RNF180: variants seen among roughly 807,000 people sequenced by gnomAD.
RNF180 encodes the protein ring finger protein 180, also known as E3 ubiquitin-protein ligase RNF180.
A neutral mutation model predicts 59.2 loss-of-function variants in RNF180; 38 were observed. The ratio of observed to expected loss-of-function variants is 0.64; its 90% confidence interval spans 0.50 to 0.84. The LOEUF (loss-of-function observed/expected upper bound fraction) is 0.84. RNF180 is among the 40% of genes least tolerant of loss of function. The pLI is 0.00. For synonymous variants in RNF180, 262 were observed against 240.3 expected, an observed-to-expected ratio of 1.09 and a Z score of -0.84; for missense variants, 705 against 700.9, an observed-to-expected ratio of 1.01 and a Z score of -0.07.
At chr5:64,199,734 T>C (rs925972710) in intron 1 of RNF180, among the ~76,000 whole-genome samples, 1 of 152,224 alleles carries the variant, frequency 6.6e-6, no homozygotes, top group Admixed American at 6.5e-5. Context: ...GATAAATTAA[T>C]GTTGCCTTTC....
intron 5 of RNF180, among the ~76,000 whole-genome samples, chr5:64,295,714 G>A (rs1445363574): frequency 6.6e-6 from 1 of 152,094 alleles, no homozygotes; most frequent in African/African-American, 2.4e-5. Context: ...AGACATTTAG[G>A]TTAGTTTTTG....
intron 4 of RNF180, among the ~76,000 whole-genome samples, chr5:64,215,398 A>G (rs1432628932): frequency 6.6e-6 from 1 of 152,214 alleles, no homozygotes; most frequent in Non-Finnish European, 1.5e-5. Flanking sequence ...AAGTGAACTC[A>G]TTATGGCTTA....
intron 5 of RNF180, among the ~76,000 whole-genome samples, chr5:64,265,948 T>C (rs1379881141): frequency 6.6e-6 from 1 of 152,136 alleles, no homozygotes; most frequent in Non-Finnish European, 1.5e-5. Context: ...CCCTTGTAAG[T>C]TGTATTCCTA....
chr5:64,368,009 A>C (rs1435185130), intron 7 of RNF180, among the ~76,000 whole-genome samples: 1 of 151,744 alleles, frequency 6.6e-6, no homozygotes, highest in African/African-American at 2.4e-5. Flanking sequence ...GTTTTTTCTC[A>C]AGCTCTAATT....
At chr5:64,293,934 CTTA>C (rs1439159816) in intron 5 of RNF180, among the ~76,000 whole-genome samples, 1 of 152,216 alleles carries the variant, frequency 6.6e-6, no homozygotes, top group African/African-American at 2.4e-5. Flanking sequence ...AAAAAGACTT[CTTA>C]TTATCATGCA....
chr5:64,170,309 C>T (rs1020895879), intron 1 of RNF180, among the ~76,000 whole-genome samples: 4 of 152,210 alleles, frequency 2.6e-5, no homozygotes, highest in Admixed American at 2.6e-4. Flanking sequence ...ATGATACACT[C>T]ATTTGGACTT....
At chr5:64,226,625 C>T (rs543617049) in intron 5 of RNF180, among the ~76,000 whole-genome samples, 47 of 151,956 alleles carry the variant, frequency 3.1e-4, no homozygotes, top group Admixed American at 5.9e-4. Context: ...CCTGCCACAT[C>T]CCCCTCTCTG....
chr5:64,194,266 G>C (rs946655176), intron 1 of RNF180, among the ~76,000 whole-genome samples: 3 of 151,652 alleles, frequency 2.0e-5, no homozygotes, highest in Non-Finnish European at 4.4e-5. Context: ...TTGGTTTTTT[G>C]TCCTTGCGAT....
intron 2 of RNF180, among the ~76,000 whole-genome samples, chr5:64,201,406 T>A (rs1751738906): frequency 6.6e-6 from 1 of 152,180 alleles, no homozygotes; most frequent in African/African-American, 2.4e-5. Flanking sequence ...CTGAATAATA[T>A]TCAAGTGTGT....
At chr5:64,366,942 A>G (rs1393260432) in intron 7 of RNF180, among the ~76,000 whole-genome samples, 2 of 151,572 alleles carry the variant, frequency 1.3e-5, no homozygotes, top group Middle Eastern at 3.2e-3. Context: ...TGGCCAAACT[A>G]TCAAGAGTCA....
chr5:64,171,846 C>T (rs996943160), intron 1 of RNF180, among the ~76,000 whole-genome samples: 1 of 152,070 alleles, frequency 6.6e-6, no homozygotes, highest in Non-Finnish European at 1.5e-5. Context: ...CACCCCGCCC[C>T]CCCACCAATA....
At chr5:64,317,632 AC>A (rs1744124983) in intron 5 of RNF180, among the ~76,000 whole-genome samples, 1 of 151,028 alleles carries the variant, frequency 6.6e-6, no homozygotes, top group Admixed American at 6.6e-5. Context: ...ATACACACAC[AC>A]ACACACACAC....
At chr5:64,258,532 GT>G (rs1007664907) in intron 5 of RNF180, among the ~76,000 whole-genome samples, 2 of 151,910 alleles carry the variant, frequency 1.3e-5, no homozygotes, top group African/African-American at 2.4e-5. Context: ...AATAATTAAG[GT>G]TTTTTTTCTT....
At chr5:64,255,310 C>T (rs553004026) in intron 5 of RNF180, among the ~76,000 whole-genome samples, 1 of 152,202 alleles carries the variant, frequency 6.6e-6, no homozygotes, top group Admixed American at 6.5e-5. Flanking sequence ...CCCATTAACT[C>T]GTCATTTACA....
chr5:64,186,134 A>G (rs980234273), intron 1 of RNF180, among the ~76,000 whole-genome samples: 1 of 152,118 alleles, frequency 6.6e-6, no homozygotes, highest in African/African-American at 2.4e-5. Flanking sequence ...GCATCAAACA[A>G]AATGTCTCTG....
At chr5:64,311,832 G>A (rs886680770) in intron 5 of RNF180, among the ~76,000 whole-genome samples, 1 of 151,942 alleles carries the variant, frequency 6.6e-6, no homozygotes, top group Non-Finnish European at 1.5e-5. Flanking sequence ...TAGATTAAAT[G>A]ATTTAGTGTC....
intron 5 of RNF180, among the ~76,000 whole-genome samples, chr5:64,222,023 C>G (rs561159423): frequency 6.6e-6 from 1 of 152,158 alleles, no homozygotes; most frequent in African/African-American, 2.4e-5. Context: ...ATCTAGGATA[C>G]CACATTACAA....
At chr5:64,321,032 C>T (rs999149390) in intron 5 of RNF180, among the ~76,000 whole-genome samples, 19 of 143,786 alleles carry the variant, frequency 1.3e-4, no homozygotes, top group African/African-American at 4.0e-4. Context: ...AGCGAGACTC[C>T]GTCTCAAAAA....
At position 64,348,207 on chromosome 5, in the gene RNF180, TC is replaced by T. The variant is rs1266544555; in HGVS notation, c.1579+17802del. Reference sequence around the variant, plus strand: ...ATACTACATATAAATATCCTTTTTTTCTAATAGCAAAGAGAGAAAACAATAA... The same window carrying T: ...ATACTACATATAAATATCCTTTTTTTTAATAGCAAAGAGAGAAAACAATAA... On this transcript the variant is annotated intron_variant, in intron 7 of 7. Transcript: ENST00000389100. Among the ~76,000 whole-genome samples the T allele has an allele frequency of 3.9e-5, 6 of 152,192 alleles. No homozygotes were observed. The East Asian group carries it at 1.2e-3, about 29-fold the overall frequency.
Sources: gnomAD v4.1 joint callset for allele counts (sites outside exome capture counted in the v4.1 genomes callset) on GRCh38, gnomAD v4.1.1 for gene constraint, MANE v1.5 for transcripts, NCBI Gene and HGNC (gene_info 2026-07-23, HGNC 2026-07-21) for gene names.